The following DLGAP2 variants were observed in gnomAD, a reference collection of about 807,000 sequenced individuals.
DLGAP2 encodes disks large-associated protein 2.
DLGAP2 carries 26 observed loss-of-function variants against 100.3 expected under a neutral mutation model. That is an observed-to-expected ratio of 0.26 (90% CI 0.19 to 0.36). The LOEUF (loss-of-function observed/expected upper bound fraction) is 0.36. Among genes scored for constraint, DLGAP2 ranks in the 10% least tolerant of loss-of-function variants. The probability of loss-of-function intolerance (pLI) is 1.00; values close to 1 mark genes in which losing one functional copy is unlikely to be tolerated. For synonymous variants in DLGAP2, 886 were observed against 630.1 expected, an observed-to-expected ratio of 1.41 and a Z score of -6.08; for missense variants, 1,858 against 1,453.2, an observed-to-expected ratio of 1.28 and a Z score of -4.53.
intron 2 of DLGAP2, among the ~76,000 whole-genome samples, chr8:945,042 C>T (rs956994982): frequency 6.6e-6 from 1 of 152,186 alleles, no homozygotes; most frequent in African/African-American, 2.4e-5. Context: ...AATTCAAGAG[C>T]AAAGTTCTTT....
At chr8:1,330,016 C>G (rs750160126) in intron 3 of DLGAP2, among the ~76,000 whole-genome samples, 4 of 152,218 alleles carry the variant, frequency 2.6e-5, no homozygotes, top group Admixed American at 1.3e-4. Context: ...ACCCCAGGGA[C>G]AGAACGGATG....
rs753583566 is a variant in DLGAP2 at position 1,548,827 on chromosome 8, C to G, written c.374C>G (p.Ala125Gly). 62 of 1,580,130 alleles carry G rather than the reference C, an allele frequency of 3.9e-5. No homozygotes were observed. In the Middle Eastern group the frequency reaches 5.1e-4, roughly 13 times the overall value. Residue 125 changes from alanine to glycine, a missense_variant, in exon 5 of 15, where the codon GCC (alanine) becomes GGC (glycine). Physicochemically the swap from Ala to Gly is moderately conservative, Grantham distance 60 (BLOSUM62 0). Coordinates refer to ENST00000637795, the MANE Select transcript of DLGAP2 (RefSeq NM_001346810.2). Reference sequence around the variant, plus strand: ...CGGCCGCCCTACCTGCTGAGCCCCGCCGACAGCTGCCCCGGGGGGCGCCAC... The same window carrying G: ...CGGCCGCCCTACCTGCTGAGCCCCGGCGACAGCTGCCCCGGGGGGCGCCAC... ...DARPPYLLSP[A>G]DSCPGGRHRC... is the part of the protein sequence containing the mutation.
intron 1 of DLGAP2, among the ~76,000 whole-genome samples, chr8:855,131 G>C (rs534666534): frequency 3.3e-5 from 5 of 152,312 alleles, no homozygotes; most frequent in South Asian, 4.1e-4. Context: ...TGTGTGCAGC[G>C]TCTTCGTGTG....
At chr8:1,652,317 G>A (rs894135019) in intron 8 of DLGAP2, among the ~76,000 whole-genome samples, 1 of 152,140 alleles carries the variant, frequency 6.6e-6, no homozygotes, top group Non-Finnish European at 1.5e-5. Context: ...TTCATTGTGA[G>A]TCTCTCCCCT....
At chr8:1,284,721 C>T (rs1799888562) in intron 3 of DLGAP2, among the ~76,000 whole-genome samples, 1 of 152,212 alleles carries the variant, frequency 6.6e-6, no homozygotes, top group African/African-American at 2.4e-5. Context: ...GCCTGACCCT[C>T]CCACCTCAGC....
At chr8:1,176,484 A>G (rs1797259792) in intron 2 of DLGAP2, among the ~76,000 whole-genome samples, 1 of 152,232 alleles carries the variant, frequency 6.6e-6, no homozygotes, top group South Asian at 2.1e-4. Flanking sequence ...AGTCACGAGC[A>G]TTACAGCCAG....
chr8:1,302,897 G>A (rs1319188164), intron 3 of DLGAP2, among the ~76,000 whole-genome samples: 3 of 152,238 alleles, frequency 2.0e-5, no homozygotes, highest in Non-Finnish European at 2.9e-5. Flanking sequence ...ACGTCTGGCT[G>A]TAACTCGCCT....
chr8:1,028,068 G>T, intron 2 of DLGAP2, among the ~76,000 whole-genome samples: 1 of 136,768 alleles, frequency 7.3e-6, no homozygotes, highest in African/African-American at 2.7e-5. Context: ...TCCAGGTGGG[G>T]TGCCAAGCGC....
intron 2 of DLGAP2, among the ~76,000 whole-genome samples, chr8:1,012,752 T>C (rs1156738279): frequency 9.0e-6 from 1 of 111,458 alleles, no homozygotes; most frequent in African/African-American, 3.5e-5. Context: ...TCAGCGGCAG[T>C]GTGGACACCC....
intron 4 of DLGAP2, among the ~76,000 whole-genome samples, chr8:1,507,766 TCCTCCTTCACCCACGAC>T (rs1001855860): frequency 4.5e-5 from 6 of 133,636 alleles, no homozygotes; most frequent in African/African-American, 1.4e-4. Flanking sequence ...CACCGAGTCT[TCCTCCTTCACCCACGAC>T]CCTCCTTCAC....
chr8:899,443 G>T (rs1046477216), intron 1 of DLGAP2, among the ~76,000 whole-genome samples: 1 of 152,214 alleles, frequency 6.6e-6, no homozygotes, highest in Non-Finnish European at 1.5e-5. Flanking sequence ...TACCGGCCCT[G>T]CATGCAGAGG....
At chr8:1,591,398 C>T (rs558660273) in intron 6 of DLGAP2, among the ~76,000 whole-genome samples, 1 of 152,280 alleles carries the variant, frequency 6.6e-6, no homozygotes, top group Non-Finnish European at 1.5e-5. Context: ...CTCCTGGTCT[C>T]TGGTCACTGC....
chr8:764,412 T>A (rs1821159338), intron 1 of DLGAP2, among the ~76,000 whole-genome samples: 1 of 152,240 alleles, frequency 6.6e-6, no homozygotes. Context: ...AAAACTTACA[T>A]AAACGCCTAT....
chr8:741,620 G>C (rs937935676), intron 1 of DLGAP2, among the ~76,000 whole-genome samples: 1 of 152,128 alleles, frequency 6.6e-6, no homozygotes. Context: ...ATTTATTGGC[G>C]GGCCTTCAGG....
chr8:1,283,720 C>T (rs901580756), intron 3 of DLGAP2, among the ~76,000 whole-genome samples: 1 of 152,184 alleles, frequency 6.6e-6, no homozygotes, highest in Non-Finnish European at 1.5e-5. Flanking sequence ...GGTCTTGTCA[C>T]TCTAATTCTG....
chr8:1,122,666 A>C (rs1796077736), intron 2 of DLGAP2, among the ~76,000 whole-genome samples: 1 of 152,120 alleles, frequency 6.6e-6, no homozygotes, highest in Non-Finnish European at 1.5e-5. Context: ...CTTCTCTTTG[A>C]AGAATTATTT....
At chr8:1,624,663 T>G (rs1797444163) in intron 6 of DLGAP2, among the ~76,000 whole-genome samples, 1 of 151,848 alleles carries the variant, frequency 6.6e-6, no homozygotes. Context: ...ACCTGGGGGA[T>G]CCACAGAGGA....
chr8:1,465,372 G>A (rs1276668604), intron 3 of DLGAP2, among the ~76,000 whole-genome samples: 2 of 151,978 alleles, frequency 1.3e-5, no homozygotes, highest in Non-Finnish European at 2.9e-5. Context: ...CAGATGAAGA[G>A]ATGAGCAGAG....
At chr8:866,776 C>G (rs1585950866) in intron 1 of DLGAP2, among the ~76,000 whole-genome samples, 1 of 152,214 alleles carries the variant, frequency 6.6e-6, no homozygotes, top group Non-Finnish European at 1.5e-5. Flanking sequence ...TCGACCGTTT[C>G]TCCCTTTCTA....
Sources: gnomAD v4.1 joint callset for allele counts (sites outside exome capture counted in the v4.1 genomes callset) on GRCh38, gnomAD v4.1.1 for gene constraint, MANE v1.5 for transcripts, NCBI Gene and HGNC (gene_info 2026-07-23, HGNC 2026-07-21) for gene names.